The following AGBL1 variants were observed in gnomAD, a reference collection of about 807,000 sequenced individuals.
AGBL1 encodes cytosolic carboxypeptidase 4.
AGBL1 carries 130 observed loss-of-function variants against 118.9 expected under a neutral mutation model. The ratio of observed to expected loss-of-function variants is 1.09; its 90% CI spans 0.95 to 1.26. The LOEUF (loss-of-function observed/expected upper bound fraction) is 1.26, where lower values mean the gene tolerates loss of function less well. AGBL1 is among the 50% of genes most tolerant of loss of function. The pLI, the probability that AGBL1 is intolerant of heterozygous loss-of-function variation, is 0.00. For synonymous variants in AGBL1, 555 were observed against 478.9 expected, an observed-to-expected ratio of 1.16 and a Z score of -2.08; for missense variants, 1,584 against 1,298.1, an observed-to-expected ratio of 1.22 and a Z score of -3.38.
chr15:86,259,145 T>C (rs904392362), intron 9 of AGBL1, among the ~76,000 whole-genome samples: 1 of 152,212 alleles, frequency 6.6e-6, no homozygotes, highest in Non-Finnish European at 1.5e-5. Flanking sequence ...TTGTGCATTG[T>C]AGGATGTTTA....
intron 22 of AGBL1, among the ~76,000 whole-genome samples, chr15:86,868,595 C>T (rs924573334): frequency 4.6e-5 from 7 of 152,090 alleles, no homozygotes; most frequent in East Asian, 1.9e-4. Context: ...AAAACATAGG[C>T]GTGTAAAGCA....
At chr15:86,462,699 C>T (rs1386015816) in intron 18 of AGBL1, among the ~76,000 whole-genome samples, 1 of 152,092 alleles carries the variant, frequency 6.6e-6, no homozygotes, top group African/African-American at 2.4e-5. Flanking sequence ...GTTTTCTGTT[C>T]CTGTGTTAGT....
At chr15:86,095,990 T>A (rs1410568575) in intron 1 of AGBL1, among the ~76,000 whole-genome samples, 2 of 152,110 alleles carry the variant, frequency 1.3e-5, no homozygotes, top group African/African-American at 4.8e-5. Context: ...ACTTTTATAT[T>A]TTTTTTCATA....
chr15:86,935,823 A>T (rs1357855434), intron 23 of AGBL1, among the ~76,000 whole-genome samples: 1 of 152,258 alleles, frequency 6.6e-6, no homozygotes, highest in Non-Finnish European at 1.5e-5. Context: ...TTTAAAGGGC[A>T]GCTATGATTA....
rs564066843 is a variant in AGBL1 at position 86,666,110 on chromosome 15, G to T, written c.2995-8163G>T. Among the ~76,000 whole-genome samples, 11 of 152,182 alleles carry T rather than the reference G, an allele frequency of 7.2e-5. No individual in the cohort carries two copies. The South Asian group carries it at 1.9e-3, about 26-fold the overall frequency. ...TCCAAGTCTGAAAATCCCCAGTGGT[G>T]TTCTGATTTCCTATGCTTTGATAGA... On this transcript the variant is annotated intron_variant, in intron 21 of 22. Coordinates refer to ENST00000614907, the MANE Select transcript of AGBL1 (RefSeq NM_001386094.1).
At chr15:86,495,192 CT>C in intron 18 of AGBL1, among the ~76,000 whole-genome samples, 1 of 151,152 alleles carries the variant, frequency 6.6e-6, no homozygotes, top group Middle Eastern at 3.4e-3. Flanking sequence ...CTTTGGTTAA[CT>C]TTTAATGCTT....
At chr15:86,356,165 G>A (rs1364779695) in intron 17 of AGBL1, among the ~76,000 whole-genome samples, 1 of 152,114 alleles carries the variant, frequency 6.6e-6, no homozygotes, top group Non-Finnish European at 1.5e-5. Context: ...CATTTGTTGA[G>A]GCTGGGAAGG....
chr15:86,843,042 G>A (rs2079267471), intron 22 of AGBL1, among the ~76,000 whole-genome samples: 1 of 152,176 alleles, frequency 6.6e-6, no homozygotes, highest in Admixed American at 6.5e-5. Context: ...GGACATTCAA[G>A]GTAGATTTGG....
chr15:86,738,056 C>T (rs1274656485), intron 22 of AGBL1, among the ~76,000 whole-genome samples: 4 of 152,118 alleles, frequency 2.6e-5, no homozygotes, highest in Non-Finnish European at 5.9e-5. Flanking sequence ...ATGTTCATCT[C>T]TACAGAACAC....
intron 5 of AGBL1, among the ~76,000 whole-genome samples, chr15:86,214,973 A>G (rs2078160589): frequency 1.3e-5 from 2 of 152,176 alleles, no homozygotes; most frequent in African/African-American, 4.8e-5. Context: ...GCATCTGGAT[A>G]GAGTTGTAGG....
chr15:86,879,862 T>A (rs2079866436), intron 22 of AGBL1, among the ~76,000 whole-genome samples: 1 of 152,152 alleles, frequency 6.6e-6, no homozygotes, highest in African/African-American at 2.4e-5. Context: ...TAGGGGATGT[T>A]GCCAGAATAC....
chr15:86,320,722 CGTGTGTGT>C (rs3050863), intron 17 of AGBL1, among the ~76,000 whole-genome samples: 3 of 148,056 alleles, frequency 2.0e-5, no homozygotes, highest in Non-Finnish European at 3.0e-5. Flanking sequence ...TGTGTGTGTG[CGTGTGTGT>C]GTGTGTGTGT....
chr15:87,028,820 C>A, intron 24 of AGBL1: 2 of 1,605,666 alleles, frequency 1.2e-6, no homozygotes, highest in Non-Finnish European at 1.7e-6. Context: ...CTTATTCCTT[C>A]TCAGAGTTTG....
At chr15:86,852,650 C>T (rs2079424036) in intron 22 of AGBL1, among the ~76,000 whole-genome samples, 1 of 152,120 alleles carries the variant, frequency 6.6e-6, no homozygotes, top group Non-Finnish European at 1.5e-5. Context: ...TGCCCCAGGG[C>T]TTTTTTCACT....
At chr15:87,004,406 CTCT>C (rs1288153462) in intron 24 of AGBL1, among the ~76,000 whole-genome samples, 5 of 152,122 alleles carry the variant, frequency 3.3e-5, no homozygotes, top group Non-Finnish European at 7.4e-5. Context: ...GGATAGTTAG[CTCT>C]TCTTGTTGAA....
At chr15:86,084,318 G>A (rs1181940802) in intron 1 of AGBL1, among the ~76,000 whole-genome samples, 3 of 152,100 alleles carry the variant, frequency 2.0e-5, no homozygotes, top group Non-Finnish European at 4.4e-5. Flanking sequence ...TACATTTCTT[G>A]GAATTAGAGA....
intron 6 of AGBL1, among the ~76,000 whole-genome samples, chr15:86,225,508 C>T (rs1469328141): frequency 6.6e-6 from 1 of 152,118 alleles, no homozygotes; most frequent in Non-Finnish European, 1.5e-5. Flanking sequence ...ACTCTTTTCT[C>T]AGTTACTTGA....
chr15:86,967,252 A>G (rs1381819689), intron 23 of AGBL1, among the ~76,000 whole-genome samples: 3 of 152,148 alleles, frequency 2.0e-5, no homozygotes, highest in Non-Finnish European at 4.4e-5. Flanking sequence ...GTAGGTTGCA[A>G]AAATTTCCTC....
At chr15:86,722,659 G>A (rs902917551) in intron 22 of AGBL1, among the ~76,000 whole-genome samples, 2 of 152,180 alleles carry the variant, frequency 1.3e-5, no homozygotes, top group African/African-American at 4.8e-5. Context: ...TGACAAATGG[G>A]ATCTAATTAA....
Sources: allele counts gnomAD v4.1 joint callset (sites outside exome capture counted in the v4.1 genomes callset), GRCh38; gene constraint gnomAD v4.1.1; transcripts MANE v1.5; gene names NCBI Gene and HGNC (gene_info 2026-07-23, HGNC 2026-07-21).